Variants in ERBIN observed in about 807,000 individuals in gnomAD.
ERBIN encodes erbb2 interacting protein, also known as densin-180-like protein.
In ERBIN, 60 loss-of-function variants were observed where a neutral mutation model predicts 158.4. That is an observed-to-expected ratio of 0.38 (90% CI 0.31 to 0.47). The LOEUF (loss-of-function observed/expected upper bound fraction) is 0.47, where lower values mean the gene tolerates loss of function less well. Ranked by LOEUF, ERBIN falls within the 20% of genes least tolerant of loss-of-function variation. The probability of loss-of-function intolerance (pLI) is 0.99; values close to 1 mark genes in which losing one functional copy is unlikely to be tolerated. For missense variants in ERBIN, 1,610 were observed against 1,648.0 expected, an observed-to-expected ratio of 0.98 and a Z score of 0.40; for synonymous variants, 594 against 557.2, an observed-to-expected ratio of 1.07 and a Z score of -0.93.
At chr5:65,929,250 C>G (rs1275176761) in intron 1 of ERBIN, among the ~76,000 whole-genome samples, 1 of 152,072 alleles carries the variant, frequency 6.6e-6, no homozygotes, top group Non-Finnish European at 1.5e-5. Context: ...TGGTATTGCA[C>G]TATTAGTAGT....
rs532621504 is a variant in ERBIN, at chr5:66,026,438, C to T, written c.1136+21C>T. On this transcript the variant is annotated intron_variant, in intron 13 of 25. Transcript: ENST00000284037. ...AATAGGTTCGTAATACTATATTCAT[C>T]AGTTGGTTTATAGGAGACATTGGTT... 5.5e-5 allele frequency: 75 copies of T among 1,371,924 alleles called. 2 individuals carry two copies. The South Asian group carries it at 8.7e-4, about 16-fold the overall frequency. 85.0% of individuals were successfully genotyped at this position (1,371,924 alleles called of 1,614,324 possible).
At chr5:66,028,406 G>A (rs1756503507) in intron 14 of ERBIN, 63 bp downstream of exon 14, 12 of 1,272,750 alleles carry the variant, frequency 9.4e-6, no homozygotes, top group Admixed American at 5.4e-5. Flanking sequence ...TTTGCACTCC[G>A]ATTTACATAG....
intron 15 of ERBIN, among the ~76,000 whole-genome samples, chr5:66,040,683 ATAT>A (rs531848896): frequency 2.9e-4 from 44 of 151,988 alleles, no homozygotes; most frequent in Admixed American, 5.9e-4. Context: ...GAGTCAAAAA[ATAT>A]TATGTGTTTG....
chr5:65,996,040 A>G (rs1752397382), intron 4 of ERBIN, among the ~76,000 whole-genome samples: 1 of 151,804 alleles, frequency 6.6e-6, no homozygotes, highest in Non-Finnish European at 1.5e-5. Context: ...GCTTGCAAAC[A>G]TTTTCTCCCA....
chr5:65,939,524 T>C (rs958162720), intron 1 of ERBIN, among the ~76,000 whole-genome samples: 8 of 139,342 alleles, frequency 5.7e-5, no homozygotes, highest in African/African-American at 1.3e-4. Flanking sequence ...CCCTCTCCCT[T>C]TCCCTCTCCC....
intron 4 of ERBIN, among the ~76,000 whole-genome samples, chr5:66,009,259 T>A (rs1208662962): frequency 6.6e-6 from 1 of 152,228 alleles, no homozygotes; most frequent in Non-Finnish European, 1.5e-5. Flanking sequence ...TTTCAATGCA[T>A]CCTCAATGGA....
rs761081969 is a variant in ERBIN, at chr5:66,025,858, G to T, written c.901G>T (p.Val301Leu). ...TTTTTTAAATTAAAGGTTAATATCA[G>T]TAGAAGAACTGGATTGTAGTTTCAA... ...LPDSIGGLIS[V>L]EELDCSFNEV... The change falls in exon 12 of 26, where the codon GTA becomes TTA. Residue 301 changes from valine to leucine, a missense_variant. This residue lies in a region of ERBIN where 596 missense variants were observed against 711.9 expected (regional missense o/e 0.84). Transcript: ENST00000284037. The T allele has an allele frequency of 6.6e-7, 1 of 1,515,126 alleles. No homozygotes were observed. The highest frequency in any genetic ancestry group is 1.3e-5 in the South Asian group (1 of 75,868). The allele number at this position is 1,515,126 out of a possible 1,614,324, so 93.9% of individuals were successfully genotyped here. A position where few individuals can be genotyped will look rare whatever the true frequency, so the allele number is the denominator to read the frequency against.
chr5:65,946,029 T>C (rs762486519), intron 1 of ERBIN, among the ~76,000 whole-genome samples: 19 of 152,130 alleles, frequency 1.2e-4, no homozygotes, highest in Admixed American at 2.6e-4. Flanking sequence ...CCCTCCTATA[T>C]TCCCTTTACC....
At position 66,080,023 on chromosome 5, in the gene ERBIN, A is replaced by T. The variant is rs1762315305; in HGVS notation, c.*1493A>T. 1 of 152,212 alleles carries T rather than the reference A, an allele frequency of 6.6e-6. No homozygotes were observed. Among genetic ancestry groups the T allele is most frequent in the African/African-American group, 2.4e-5 (1 of 41,470 alleles). The allele number at this position is 152,212 out of a possible 1,614,324, so 9.4% of individuals were successfully genotyped here. A position where few individuals can be genotyped will look rare whatever the true frequency, so the allele number is the denominator to read the frequency against. On this transcript the variant is annotated 3_prime_UTR_variant, in exon 26 of 26. Coordinates refer to ENST00000284037, the MANE Select transcript of ERBIN (RefSeq NM_001253697.2). ...GACCAATAACTGTTTAGTTGAGGCT[A>T]GTCTGGAACCTTTCATTAGAGCAAT...
chr5:66,066,850 C>A (rs142155786), intron 21 of ERBIN, among the ~76,000 whole-genome samples: 21 of 152,292 alleles, frequency 1.4e-4, no homozygotes, highest in African/African-American at 4.8e-4. Flanking sequence ...TGTGTTGTGA[C>A]AGGAAGCAGT....
intron 4 of ERBIN, among the ~76,000 whole-genome samples, chr5:66,004,696 C>A (rs554685609): frequency 7.9e-5 from 12 of 152,300 alleles, no homozygotes. Flanking sequence ...AGCCACTGCA[C>A]CCTGCCCCTG....
intron 1 of ERBIN, among the ~76,000 whole-genome samples, chr5:65,956,164 T>C (rs1747094111): frequency 6.6e-6 from 1 of 152,164 alleles, no homozygotes; most frequent in Non-Finnish European, 1.5e-5. Flanking sequence ...TGTTAGATAT[T>C]AGGAATGCTC....
rs549356680 is a variant in ERBIN, at chr5:66,078,178, T to C, written c.4132-245T>C. 7.9e-5 allele frequency among the ~76,000 whole-genome samples: 12 copies of C among 152,308 alleles called. No individual in the cohort carries two copies. In the South Asian group the frequency reaches 2.5e-3, roughly 32 times the overall value. ...CGACACCATGTCTGACATTATTTCT[T>C]AAGTAAGTGATTTCTAACATTGGGC... On this transcript the variant is annotated intron_variant, in intron 25 of 25. Coordinates refer to ENST00000284037, the MANE Select transcript of ERBIN (RefSeq NM_001253697.2).
rs1346702717 is a variant in ERBIN at position 66,080,584 on chromosome 5, ATTTCT to A, written c.*2058_*2062del. 1 of 151,902 alleles carries A rather than the reference ATTTCT, an allele frequency of 6.6e-6. No individual in the cohort carries two copies. Among genetic ancestry groups the A allele is most frequent in the Non-Finnish European group, 1.5e-5 (1 of 67,866 alleles). 9.4% of individuals were successfully genotyped at this position (151,902 alleles called of 1,614,324 possible). A position where few individuals can be genotyped will look rare whatever the true frequency, so the allele number is the denominator to read the frequency against. On this transcript the variant is annotated 3_prime_UTR_variant, in exon 26 of 26. Transcript: ENST00000284037. ...ATTTTGGCATTCTAAAATAGCTAAC[ATTTCT>A]TTTATTGATTTCAGATTTTCACAGG...
intron 1 of ERBIN, among the ~76,000 whole-genome samples, chr5:65,957,396 T>C (rs1747292064): frequency 6.6e-6 from 1 of 151,984 alleles, no homozygotes; most frequent in African/African-American, 2.4e-5. Context: ...CCTGGGTACT[T>C]GAGATTAGGG....
In ERBIN at chr5:66,077,596, TA is replaced by T. The variant is rs869127687; in HGVS notation, c.4131+655del. ...AACACTTTCTAAAAATAAAACTAAT[TA>T]AAAAAAATTTTTTTTGAATAATTTT... On this transcript the variant is annotated intron_variant, in intron 25 of 25. Coordinates refer to ENST00000284037, the MANE Select transcript of ERBIN (RefSeq NM_001253697.2). Among the ~76,000 whole-genome samples the T allele has an allele frequency of 7.4e-4, 113 of 152,076 alleles. 1 individual carries two copies. Among genetic ancestry groups the T allele is most frequent in the African/African-American group, 2.5e-3 (105 of 41,482 alleles).
intron 4 of ERBIN, among the ~76,000 whole-genome samples, chr5:65,996,506 T>C (rs1304742472): frequency 3.9e-5 from 6 of 152,166 alleles, no homozygotes; most frequent in Non-Finnish European, 7.4e-5. Flanking sequence ...CTGTCTGTAT[T>C]CATGTCATTA....
chr5:65,989,725 T>C (rs1751666512), intron 2 of ERBIN, among the ~76,000 whole-genome samples: 1 of 152,258 alleles, frequency 6.6e-6, no homozygotes, highest in African/African-American at 2.4e-5. Flanking sequence ...ATTAAGTGTT[T>C]ACATGTGTGA....
chr5:66,024,497 G>A lies in ERBIN; in HGVS notation c.817+47G>A, dbSNP rs138783818. ...ATGTAATTTTTATTAAAATAAATTC[G>A]AGACTTCCACATAATCTCAAATTTC... On this transcript the variant is annotated intron_variant, in intron 10 of 25. Transcript: ENST00000284037. The A allele has an allele frequency of 3.5e-3, 5,398 of 1,529,102 alleles. 13 individuals carry two copies. The highest frequency in any genetic ancestry group is 4.2e-3 in the Middle Eastern group (21 of 4,982). 94.7% of individuals were successfully genotyped at this position (1,529,102 alleles called of 1,614,324 possible). A position where few individuals can be genotyped will look rare whatever the true frequency, so the allele number is the denominator to read the frequency against.
Sources: gnomAD v4.1 joint callset for allele counts (sites outside exome capture counted in the v4.1 genomes callset) on GRCh38, gnomAD v4.1.1 for gene constraint, gnomAD v4.1.1 regional missense constraint, MANE v1.5 for transcripts, NCBI Gene and HGNC (gene_info 2026-07-23, HGNC 2026-07-21) for gene names.